Variants in CES3 observed in about 807,000 individuals in gnomAD.
The protein encoded by CES3 is carboxylesterase 3.
CES3 carries 49 observed loss-of-function variants against 57.6 expected under a neutral mutation model. That is an observed-to-expected ratio of 0.85 (90% CI 0.68 to 1.08). The LOEUF (loss-of-function observed/expected upper bound fraction) is 1.08, where lower values mean the gene tolerates loss of function less well. CES3 is among the 50% of genes least tolerant of loss of function. The pLI is 0.00. For synonymous variants in CES3, 266 were observed against 281.6 expected, an observed-to-expected ratio of 0.94 and a Z score of 0.55; for missense variants, 645 against 742.0, an observed-to-expected ratio of 0.87 and a Z score of 1.52.
At chr16:66,966,676 T>C (rs781297408) in intron 7 of CES3, 49 bp from the exon 8 acceptor site, 2 of 1,611,294 alleles carry the variant, frequency 1.2e-6, no homozygotes, top group Admixed American at 3.3e-5. Flanking sequence ...TCCTAGCCTT[T>C]GAGGCTTGGC....
chr16:66,964,585 C>T, intron 5 of CES3, 38 bp from the exon 6 acceptor site: 1 of 1,612,342 alleles, frequency 6.2e-7, no homozygotes, highest in East Asian at 2.2e-5. Context: ...CTCCTCTGCC[C>T]TCCTCTGACA....
chr16:66,964,150 G>A (rs1425629604), intron 4 of CES3, among the ~76,000 whole-genome samples: 1 of 152,208 alleles, frequency 6.6e-6, no homozygotes, highest in Non-Finnish European at 1.5e-5. Flanking sequence ...TTGGGCAGAG[G>A]GCATTGATTC....
intron 8 of CES3, 75 bp from the exon 9 acceptor site, chr16:66,969,604 C>G (rs1207560338): frequency 6.9e-7 from 1 of 1,444,254 alleles, no homozygotes; most frequent in Non-Finnish European, 9.6e-7. Flanking sequence ...ACCGTGAACA[C>G]TCTCTTGCCC....
rs760946852 is a variant in CES3 at position 66,972,469 on chromosome 16, G to A, written c.1405G>A (p.Gly469Arg). The change falls in exon 11 of 13, where the codon GGA (glycine) becomes AGA (arginine). Residue 469 changes from glycine (G) to arginine (R), a missense_variant. Gly to Arg is a moderately radical substitution (Grantham distance 125, BLOSUM62 -2). Coordinates refer to ENST00000303334, the MANE Select transcript of CES3 (RefSeq NM_024922.6). ...DHGAEGAFVF[G>R]GPFLMDESSR... ...TGGGGCCGAGGGTGCTTTTGTGTTC[G>A]GAGGTCCCTTCCTCATGGACGAGAG... 27 of 1,613,876 alleles carry A rather than the reference G, an allele frequency of 1.7e-5. No homozygotes were observed. Among genetic ancestry groups the A allele is most frequent in the Admixed American group, 1.3e-4 (8 of 59,946 alleles).
At chr16:66,962,851 C>T (rs779862864) in intron 1 of CES3, among the ~76,000 whole-genome samples, 4 of 152,076 alleles carry the variant, frequency 2.6e-5, no homozygotes, top group South Asian at 2.1e-4. Flanking sequence ...GAGCCAAGAT[C>T]GTGCCACTGC....
rs1009763520 is a variant in CES3 at position 66,966,967 on chromosome 16, C to T, written c.1062+102C>T. 7.3e-6 allele frequency: 10 copies of T among 1,363,976 alleles called. No homozygotes were observed. The South Asian group carries it at 9.1e-5, about 12-fold the overall frequency. 84.5% of individuals were successfully genotyped at this position (1,363,976 alleles called of 1,614,324 possible). ...CCTTGTGAACGGAGCACTCCCGTTA[C>T]TCCCATTTGATAAGTGAGAAAGCAG... On this transcript the variant is annotated intron_variant, in intron 8 of 12. Transcript: ENST00000303334.
rs765260307 is a variant in CES3, at chr16:66,971,172, G to A, written c.1144G>A (p.Asp382Asn). The A allele has an allele frequency of 3.7e-6, 6 of 1,612,150 alleles. No homozygotes were observed. The South Asian group carries it at 6.6e-5, about 18-fold the overall frequency. Reference sequence around the variant, plus strand: ...GGCTGAGCCTGGCCTCTTGCCCCAGGATGTGCCCCCTGAGATGATGCCCAC... The same window carrying A: ...GGCTGAGCCTGGCCTCTTGCCCCAGAATGTGCCCCCTGAGATGATGCCCAC... ...AISTPVLTSL[D>N]VPPEMMPTVI... The change falls in exon 10 of 13, where the codon GAT (aspartate) becomes AAT (asparagine). Residue 382 changes from aspartate to asparagine, a missense_variant and splice_region_variant. Asp to Asn is a conservative substitution (Grantham distance 23). Coordinates refer to ENST00000303334, the MANE Select transcript of CES3 (RefSeq NM_024922.6).
chr16:66,972,920 C>G lies in CES3; in HGVS notation c.1587C>G (p.Ile529Met). The G allele has an allele frequency of 6.2e-7, 1 of 1,614,194 alleles. No individual in the cohort carries two copies. The highest frequency in any genetic ancestry group is 8.5e-7 in the Non-Finnish European group (1 of 1,180,042). Residue 529 changes from isoleucine (I) to methionine (M), a missense_variant, in exon 13 of 13, where the codon ATC (isoleucine) becomes ATG (methionine). Ile to Met is a conservative substitution (Grantham distance 10, BLOSUM62 1). Coordinates refer to ENST00000303334, the MANE Select transcript of CES3 (RefSeq NM_024922.6). ...QFNQAEQYLE[I>M]NPVPRAGQKF... is the part of the protein sequence containing the mutation. ...ACCAGGCGGAACAATATCTGGAGAT[C>G]AACCCAGTGCCACGGGCCGGACAGA...
Position 66,974,594 on chromosome 16 carries a change from C to T in CES3, c.*1545C>T. On this transcript the variant is annotated 3_prime_UTR_variant, in exon 13 of 13. Transcript: ENST00000303334. Reference sequence around the variant, plus strand: ...CACAGCGCCCAGTCCCATCGACCACCCAAGGGCTGAGGAGTGCGGGTGCAC... The same window carrying T: ...CACAGCGCCCAGTCCCATCGACCACTCAAGGGCTGAGGAGTGCGGGTGCAC... 6.1e-6 allele frequency: 1 copy of T among 163,872 alleles called. No homozygotes were observed. Among genetic ancestry groups the T allele is most frequent in the Non-Finnish European group, 1.3e-5 (1 of 74,286 alleles). 10.2% of individuals were successfully genotyped at this position (163,872 alleles called of 1,614,324 possible).
At position 66,963,311 on chromosome 16, in the gene CES3, C is replaced by G. The variant is rs1455016838; in HGVS notation, c.215C>G (p.Pro72Arg). The change falls in exon 2 of 13, where the codon CCT becomes CGT. Residue 72 changes from proline (P) to arginine (R), a missense_variant. By Grantham distance (103) the Pro-to-Arg change is moderately radical. Transcript: ENST00000303334. This position sits in a 1 kb window ranked among gnomAD's most constrained non-coding sequence, Gnocchi z 4.9. ...CCATTTGCCCAGCCGCCACTGGGCC[C>G]TGACCGGTTCTCAGCCCCACACCCA... ...GIPFAQPPLGPDRFSAPHPAQ... is the reference protein window; with the variant it reads ...GIPFAQPPLGRDRFSAPHPAQ... 2 of 1,613,812 alleles carry G rather than the reference C, an allele frequency of 1.2e-6. No homozygotes were observed. Among genetic ancestry groups the G allele is most frequent in the Non-Finnish European group, 1.7e-6 (2 of 1,180,020 alleles).
chr16:66,963,992 A>G lies in CES3; in HGVS notation c.560+57A>G. 6.3e-7 allele frequency: 1 copy of G among 1,589,598 alleles called. No individual in the cohort carries two copies. Among genetic ancestry groups the G allele is most frequent in the Non-Finnish European group, 8.6e-7 (1 of 1,161,504 alleles). ...TGCACCGGGGAGAGGCCAGCTCACC[A>G]GAGCAACTGGGGATCTAGGTTGGGG... On this transcript the variant is annotated intron_variant, in intron 4 of 12. Transcript: ENST00000303334. The surrounding 1 kb of genome is among the most constrained non-coding windows in gnomAD (Gnocchi z 4.9).
intron 11 of CES3, 24 bp downstream of exon 11, chr16:66,972,529 T>C: frequency 6.2e-7 from 1 of 1,608,118 alleles, no homozygotes; most frequent in Non-Finnish European, 8.5e-7. Flanking sequence ...GACAGACATG[T>C]GATCCCTAGG....
In CES3 at chr16:66,972,903, G is replaced by A. The variant is rs1041824454; in HGVS notation, c.1570G>A (p.Glu524Lys). 1.9e-6 allele frequency: 3 copies of A among 1,614,188 alleles called. No homozygotes were observed. The East Asian group carries it at 6.7e-5, about 36-fold the overall frequency. Residue 524 changes from glutamate to lysine, a missense_variant, in exon 13 of 13, where the codon GAA becomes AAA. Coordinates refer to ENST00000303334, the MANE Select transcript of CES3 (RefSeq NM_024922.6). ...LPPWPQFNQA[E>K]QYLEINPVPR... Reference sequence around the variant, plus strand: ...TCCTTGGCCCCAATTCAACCAGGCGGAACAATATCTGGAGATCAACCCAGT... The same window carrying A: ...TCCTTGGCCCCAATTCAACCAGGCGAAACAATATCTGGAGATCAACCCAGT...
At position 66,963,122 on chromosome 16, in the gene CES3, T is replaced by G. The variant is rs894571626; in HGVS notation, c.83-57T>G. ...AACAGCCTGAGGGTTTGTCTTTCAC[T>G]CCTTCCCCTCATGGGGGCTGCAAAC... On this transcript the variant is annotated intron_variant, in intron 1 of 12. Transcript: ENST00000303334. The surrounding 1 kb of genome is among the most constrained non-coding windows in gnomAD (Gnocchi z 4.9). The G allele has an allele frequency of 6.4e-7, 1 of 1,559,748 alleles. No individual in the cohort carries two copies. The highest frequency in any genetic ancestry group is 1.4e-5 in the African/African-American group (1 of 73,876).
chr16:66,971,471 A>T, intron 10 of CES3, 152 bp downstream of exon 10: 1 of 728,176 alleles, frequency 1.4e-6, no homozygotes, highest in Non-Finnish European at 2.2e-6. Flanking sequence ...TTTCTCTGGG[A>T]TGCAGTGTCA....
At chr16:66,964,784 C>A in intron 6 of CES3, 57 bp downstream of exon 6, 1 of 1,437,070 alleles carries the variant, frequency 7.0e-7, no homozygotes, top group Non-Finnish European at 9.6e-7. Context: ...CCACTCTGTG[C>A]TGGCCCTGGG....
At chr16:66,964,111 A>C (rs1963695220) in intron 4 of CES3, among the ~76,000 whole-genome samples, 176 bp downstream of exon 4, 1 of 152,212 alleles carries the variant, frequency 6.6e-6, no homozygotes, top group African/African-American at 2.4e-5. Flanking sequence ...GTCCAGCCAA[A>C]GCCAGAATTA....
At chr16:66,964,817 TG>T in intron 6 of CES3, 90 bp downstream of exon 6, 4 of 1,002,136 alleles carry the variant, frequency 4.0e-6, no homozygotes, top group Middle Eastern at 2.1e-4. Flanking sequence ...CGGGGTTTGC[TG>T]GCAGGGAGCT....
rs1193147757 is a variant in CES3 at position 66,975,075 on chromosome 16, A to C, written c.*2026A>C. 2 of 151,606 alleles carry C rather than the reference A, an allele frequency of 1.3e-5. No individual in the cohort carries two copies. The highest frequency in any genetic ancestry group is 4.9e-5 in the African/African-American group (2 of 41,204). The allele number at this position is 151,606 out of a possible 1,614,324, so 9.4% of individuals were successfully genotyped here. A position where few individuals can be genotyped will look rare whatever the true frequency, so the allele number is the denominator to read the frequency against. On this transcript the variant is annotated 3_prime_UTR_variant, in exon 13 of 13. Transcript: ENST00000303334. ...CAGGCTGCCTGAGCCAGCAGTGACA[A>C]CCCCCCTCGGGTCCCCTCCCACGCC...
Sources: allele counts gnomAD v4.1 joint callset (sites outside exome capture counted in the v4.1 genomes callset), GRCh38; gene constraint gnomAD v4.1.1; non-coding constraint Gnocchi (gnomAD v3.1); transcripts MANE v1.5; gene names NCBI Gene and HGNC (gene_info 2026-07-23, HGNC 2026-07-21).